Variants in PTCHD4 observed in about 807,000 individuals in gnomAD.
PTCHD4 encodes patched domain containing 4.
Under a neutral mutation model 58.1 loss-of-function variants are expected in PTCHD4, and 33 were observed. The observed-to-expected ratio is 0.57, with a 90% confidence interval of 0.43 to 0.76. The LOEUF (loss-of-function observed/expected upper bound fraction) is 0.76. Among genes scored for constraint, PTCHD4 ranks in the 30% least tolerant of loss-of-function variants. The pLI, the probability that PTCHD4 is intolerant of heterozygous loss-of-function variation, is 0.00. For missense variants in PTCHD4, 1,058 were observed against 1,027.1 expected, an observed-to-expected ratio of 1.03 and a Z score of -0.41; for synonymous variants, 478 against 409.6, an observed-to-expected ratio of 1.17 and a Z score of -2.02.
chr6:47,881,640 T>C (rs1311218978), intron 4 of PTCHD4, among the ~76,000 whole-genome samples: 4 of 152,192 alleles, frequency 2.6e-5, no homozygotes, highest in Admixed American at 2.0e-4. Flanking sequence ...CCAAAACCTC[T>C]TTTAAGATGA....
intron 4 of PTCHD4, among the ~76,000 whole-genome samples, chr6:47,937,963 A>T (rs1022674582): frequency 6.6e-6 from 1 of 151,892 alleles, no homozygotes; most frequent in Admixed American, 6.5e-5. Context: ...GAACAGCCTG[A>T]CCTATGTGGT....
chr6:47,976,107 G>A (rs1370755188), intron 4 of PTCHD4, among the ~76,000 whole-genome samples: 1 of 152,140 alleles, frequency 6.6e-6, no homozygotes, highest in Non-Finnish European at 1.5e-5. Context: ...TGTTCACTCA[G>A]CTTGTTGCTG....
At chr6:47,993,184 C>T (rs1220950876) in intron 4 of PTCHD4, among the ~76,000 whole-genome samples, 1 of 152,106 alleles carries the variant, frequency 6.6e-6, no homozygotes, top group African/African-American at 2.4e-5. Context: ...AAAATAGCCA[C>T]CATGACCTAA....
chr6:47,902,601 G>A (rs1764746430), intron 4 of PTCHD4, among the ~76,000 whole-genome samples: 1 of 152,112 alleles, frequency 6.6e-6, no homozygotes, highest in Admixed American at 6.5e-5. Flanking sequence ...AGATTAATTA[G>A]CAATAGTTTT....
rs1034978724 is a variant in PTCHD4, at chr6:47,954,625, T to A, written c.898+54009A>T. The stretch of plus-strand genomic sequence containing the variant: ...TTAAGTGTTGCAGCATTAGTATTGG[T>A]ATTGCAATTTTAATATATGCCATTA... On this transcript the variant is annotated intron_variant, in intron 4 of 4. Transcript: ENST00000339488. 3.7e-4 allele frequency among the ~76,000 whole-genome samples: 56 copies of A among 152,224 alleles called. 1 individual carries two copies. Among genetic ancestry groups the A allele is most frequent in the Admixed American group, 3.6e-3 (55 of 15,282 alleles).
At chr6:47,936,142 CAA>C (rs2113915165) in intron 4 of PTCHD4, among the ~76,000 whole-genome samples, 1 of 152,148 alleles carries the variant, frequency 6.6e-6, no homozygotes, top group African/African-American at 2.4e-5. Flanking sequence ...CTATAGGAAA[CAA>C]GAGGGGACAA....
chr6:47,866,469 C>T lies in PTCHD4; in HGVS notation c.*11834G>A, dbSNP rs1277609290. Among the ~76,000 whole-genome samples, 2 of 151,774 alleles carry T rather than the reference C, an allele frequency of 1.3e-5. No individual in the cohort carries two copies. Among genetic ancestry groups the T allele is most frequent in the African/African-American group, 4.8e-5 (2 of 41,374 alleles). On this transcript the variant is annotated 3_prime_UTR_variant, in exon 5 of 5. Coordinates refer to ENST00000339488, the MANE Select transcript of PTCHD4 (RefSeq NM_001384253.1). ...ACTCCTAGGGTTATCCAAAATGTCT[C>T]TTAGAGTGTGTTTGTTGACCATGGT...
chr6:47,898,695 C>T (rs1318177578), intron 4 of PTCHD4, among the ~76,000 whole-genome samples: 5 of 152,130 alleles, frequency 3.3e-5, no homozygotes, highest in African/African-American at 1.2e-4. Context: ...TACCTCCCAA[C>T]TTGATGTAGA....
In PTCHD4 at chr6:47,866,248, G is replaced by T. The variant is rs116434321; in HGVS notation, c.*12055C>A. Reference sequence around the variant, plus strand: ...TTATTGGATTAAATGTGTTGACTTGGTTGTCTAAGCCACTGTTTTTCAAAT... The same window carrying T: ...TTATTGGATTAAATGTGTTGACTTGTTTGTCTAAGCCACTGTTTTTCAAAT... On this transcript the variant is annotated 3_prime_UTR_variant, in exon 5 of 5. Coordinates refer to ENST00000339488, the MANE Select transcript of PTCHD4 (RefSeq NM_001384253.1). Among the ~76,000 whole-genome samples, 5,553 of 151,920 alleles carry T rather than the reference G, an allele frequency of 0.037. 160 individuals are homozygous for T. The highest frequency in any genetic ancestry group is 0.048 in the Non-Finnish European group (3,242 of 67,846).
chr6:47,998,968 T>C (rs1768608477), intron 4 of PTCHD4, among the ~76,000 whole-genome samples: 1 of 152,192 alleles, frequency 6.6e-6, no homozygotes, highest in South Asian at 2.1e-4. Flanking sequence ...CAAAGAACTC[T>C]AGCAATCATA....
At chr6:48,062,796 C>T (rs759517016) in intron 3 of PTCHD4, among the ~76,000 whole-genome samples, 1 of 152,152 alleles carries the variant, frequency 6.6e-6, no homozygotes, top group Non-Finnish European at 1.5e-5. Flanking sequence ...TAGAATATAT[C>T]CCCAAATCCA....
chr6:47,979,737 C>T lies in PTCHD4; in HGVS notation c.898+28897G>A, dbSNP rs541407510. Among the ~76,000 whole-genome samples the T allele has an allele frequency of 2.0e-5, 3 of 151,988 alleles. No individual in the cohort carries two copies. The South Asian group carries it at 6.2e-4, about 32-fold the overall frequency. On this transcript the variant is annotated intron_variant, in intron 4 of 4. Transcript: ENST00000339488. ...AAATCTGTGTTTGATTTCCCAGGTA[C>T]CCATATATCAGATAAAATTGAATTA...
chr6:48,022,307 A>T (rs996040388), intron 3 of PTCHD4, among the ~76,000 whole-genome samples: 1 of 151,576 alleles, frequency 6.6e-6, no homozygotes, highest in Non-Finnish European at 1.5e-5. Flanking sequence ...ACAGTGAGGG[A>T]TAATTATTGA....
chr6:48,086,350 G>T (rs542633648), intron 1 of PTCHD4, among the ~76,000 whole-genome samples: 1 of 152,076 alleles, frequency 6.6e-6, no homozygotes, highest in East Asian at 1.9e-4. Context: ...CCCATTCTTA[G>T]TTCATTATTT....
Position 47,874,681 on chromosome 6 carries a change from G to A in PTCHD4, c.*3622C>T, listed in dbSNP as rs1167815392. The stretch of plus-strand genomic sequence containing the variant: ...CATCATTATTCTTCTCACCTCACAA[G>A]GTAAAAACCTAAATTCTGTGGAAAT... On this transcript the variant is annotated 3_prime_UTR_variant, in exon 5 of 5. Transcript: ENST00000339488. Among the ~76,000 whole-genome samples, 1 of 151,498 alleles carries A rather than the reference G, an allele frequency of 6.6e-6. No individual in the cohort carries two copies. Among genetic ancestry groups the A allele is most frequent in the African/African-American group, 2.4e-5 (1 of 41,314 alleles).
At chr6:48,016,148 G>A (rs1762861399) in intron 3 of PTCHD4, among the ~76,000 whole-genome samples, 1 of 151,864 alleles carries the variant, frequency 6.6e-6, no homozygotes, top group South Asian at 2.1e-4. Context: ...TCAACAGACA[G>A]GGGGACTTAG....
Position 48,019,594 on chromosome 6 carries a change from G to A in PTCHD4, c.418-10480C>T, listed in dbSNP as rs149782370. 5.1e-3 allele frequency among the ~76,000 whole-genome samples: 776 copies of A among 152,180 alleles called. 7 individuals carry two copies. Among genetic ancestry groups the A allele is most frequent in the African/African-American group, 0.018 (737 of 41,502 alleles). Reference sequence around the variant, plus strand: ...TACTAAAAATACAAAAAATTAGCTGGGCGTGGTGGGGGGCTCCTGTAATTC... The same window carrying A: ...TACTAAAAATACAAAAAATTAGCTGAGCGTGGTGGGGGGCTCCTGTAATTC... On this transcript the variant is annotated intron_variant, in intron 3 of 4. Transcript: ENST00000339488.
intron 4 of PTCHD4, chr6:47,900,791 C>T (rs924717646): frequency 5.3e-5 from 8 of 152,116 alleles, no homozygotes; most frequent in African/African-American, 1.9e-4. Context: ...CGGTTTTTGA[C>T]CTTAATTCTA....
chr6:47,964,965 T>C (rs1404131821), intron 4 of PTCHD4, among the ~76,000 whole-genome samples: 2 of 152,324 alleles, frequency 1.3e-5, no homozygotes, highest in African/African-American at 4.8e-5. Context: ...TAAAATACTT[T>C]CTGGGGTATG....
Sources: allele counts gnomAD v4.1 joint callset (sites outside exome capture counted in the v4.1 genomes callset), GRCh38; gene constraint gnomAD v4.1.1; transcripts MANE v1.5; gene names NCBI Gene and HGNC (gene_info 2026-07-23, HGNC 2026-07-21).